RBMS3: variants seen among roughly 807,000 people sequenced by gnomAD.
RBMS3 encodes RNA-binding motif, single-stranded-interacting protein 3.
A neutral mutation model predicts 66.8 loss-of-function variants in RBMS3; 27 were observed. That is an observed-to-expected ratio of 0.40 (90% CI 0.30 to 0.56). RBMS3 has a LOEUF of 0.56. Ranked by LOEUF, RBMS3 falls within the 20% of genes least tolerant of loss-of-function variation. The pLI is 0.40. For synonymous variants in RBMS3, 188 were observed against 183.0 expected (o/e 1.03, Z -0.22); for missense variants, 513 against 549.5 (o/e 0.93, Z 0.66).
At chr3:29,424,236 A>G (rs1559349714) in intron 1 of RBMS3, among the ~76,000 whole-genome samples, 1 of 152,246 alleles carries the variant, frequency 6.6e-6, no homozygotes, top group Non-Finnish European at 1.5e-5. Flanking sequence ...TTGGATAAAT[A>G]GAAAGTAATT....
chr3:29,874,565 A>T lies in RBMS3; in HGVS notation c.744+5601A>T, dbSNP rs553322665. 1.8e-3 allele frequency among the ~76,000 whole-genome samples: 268 copies of T among 152,296 alleles called. 2 individuals are homozygous for T. The highest frequency in any genetic ancestry group is 3.2e-3 in the Non-Finnish European group (217 of 68,026). On this transcript the variant is annotated intron_variant, in intron 7 of 14. Transcript: ENST00000383767. ...TCTTTTTAACCTTAAACTGAAGGAG[A>T]TTATTTACATATGTGATCTTGAAAA...
intron 12 of RBMS3, among the ~76,000 whole-genome samples, chr3:29,960,285 G>T (rs1284718275): frequency 6.6e-6 from 1 of 152,204 alleles, no homozygotes; most frequent in Non-Finnish European, 1.5e-5. Flanking sequence ...GCTCCAAAAT[G>T]ATCTCCTTTG....
chr3:29,466,757 A>C (rs1212639649), intron 2 of RBMS3, among the ~76,000 whole-genome samples: 1 of 152,180 alleles, frequency 6.6e-6, no homozygotes, highest in African/African-American at 2.4e-5. Context: ...CAAATTAAGC[A>C]CTGTTTATGT....
At chr3:29,822,592 A>T (rs990517952) in intron 6 of RBMS3, among the ~76,000 whole-genome samples, 3 of 152,180 alleles carry the variant, frequency 2.0e-5, no homozygotes, top group African/African-American at 7.2e-5. Flanking sequence ...TGATGTGTCT[A>T]CATATTTCAA....
chr3:29,684,546 G>A (rs2371810), intron 4 of RBMS3, among the ~76,000 whole-genome samples: 71,306 of 151,916 alleles, frequency 0.47, 17,514 homozygotes, highest in Middle Eastern at 0.58. Flanking sequence ...TATTTAGGGA[G>A]TTATGGAATG....
chr3:29,794,022 G>A (rs182770807), intron 6 of RBMS3, among the ~76,000 whole-genome samples: 164 of 152,240 alleles, frequency 1.1e-3, no homozygotes, highest in African/African-American at 3.6e-3. Context: ...GCCATGTGAC[G>A]TGCCTGCTTC....
intron 3 of RBMS3, among the ~76,000 whole-genome samples, chr3:29,520,987 CT>C (rs2044835136): frequency 6.6e-6 from 1 of 152,056 alleles, no homozygotes; most frequent in African/African-American, 2.4e-5. Flanking sequence ...GTGTTCAGGT[CT>C]CCGCTCACAT....
intron 4 of RBMS3, among the ~76,000 whole-genome samples, chr3:29,644,511 C>T (rs959472229): frequency 4.6e-5 from 7 of 152,184 alleles, no homozygotes; most frequent in Admixed American, 3.3e-4. Context: ...TCAGATGGAA[C>T]ACGTAGACTG....
At chr3:29,356,353 C>T (rs2037221499) in intron 1 of RBMS3, among the ~76,000 whole-genome samples, 1 of 152,104 alleles carries the variant, frequency 6.6e-6, no homozygotes, top group Non-Finnish European at 1.5e-5. Flanking sequence ...GTTTTGTTGA[C>T]CTAGTGGTAA....
At chr3:29,304,423 G>T (rs1041773559) in intron 1 of RBMS3, among the ~76,000 whole-genome samples, 1 of 151,860 alleles carries the variant, frequency 6.6e-6, no homozygotes, top group South Asian at 2.1e-4. Flanking sequence ...ATCTGTACTC[G>T]CCACTTTTTA....
At chr3:29,379,189 A>G (rs894100719) in intron 1 of RBMS3, among the ~76,000 whole-genome samples, 1 of 152,202 alleles carries the variant, frequency 6.6e-6, no homozygotes, top group Non-Finnish European at 1.5e-5. Flanking sequence ...TATAAGGGTA[A>G]TTTGTTAAAT....
chr3:29,805,966 A>G (rs1057152717), intron 6 of RBMS3, among the ~76,000 whole-genome samples: 2 of 152,014 alleles, frequency 1.3e-5, no homozygotes, highest in Non-Finnish European at 2.9e-5. Flanking sequence ...CATTCCTGGT[A>G]AGTACCCTAT....
intron 3 of RBMS3, chr3:29,537,484 G>A (rs2045605315): frequency 6.6e-6 from 1 of 152,134 alleles, no homozygotes; most frequent in African/African-American, 2.4e-5. Context: ...TTGTTTCAAA[G>A]AACGATTGAG....
chr3:29,691,213 G>T (rs950522426), intron 4 of RBMS3, among the ~76,000 whole-genome samples: 2 of 152,136 alleles, frequency 1.3e-5, no homozygotes, highest in African/African-American at 4.8e-5. Context: ...ATTTCTTGAG[G>T]TATAAGTTCT....
intron 3 of RBMS3, among the ~76,000 whole-genome samples, chr3:29,573,842 T>C (rs546465976): frequency 7.0e-4 from 107 of 152,342 alleles, no homozygotes; most frequent in African/African-American, 2.5e-3. Context: ...CAGGAGCATA[T>C]TGTTTAATCT....
At chr3:29,339,510 G>T (rs2036156717) in intron 1 of RBMS3, among the ~76,000 whole-genome samples, 2 of 151,940 alleles carry the variant, frequency 1.3e-5, no homozygotes, top group Non-Finnish European at 2.9e-5. Context: ...AAAGGATCAG[G>T]AGAGCTTTAC....
chr3:29,996,543 A>G (rs913275688), intron 14 of RBMS3, among the ~76,000 whole-genome samples: 3 of 149,916 alleles, frequency 2.0e-5, no homozygotes, highest in African/African-American at 7.4e-5. Context: ...GCAAATGTAA[A>G]AGAACAGAAA....
intron 4 of RBMS3, among the ~76,000 whole-genome samples, chr3:29,723,289 T>C (rs57297625): frequency 0.06 from 9,106 of 152,204 alleles, 889 homozygotes; most frequent in African/African-American, 0.2. Flanking sequence ...CTCACTAGTT[T>C]TTACATACAC....
chr3:29,926,560 G>A (rs946439052), intron 10 of RBMS3, among the ~76,000 whole-genome samples: 3 of 152,128 alleles, frequency 2.0e-5, no homozygotes, highest in Non-Finnish European at 4.4e-5. Context: ...TTGCCAATAG[G>A]ATCTTACAAG....
Sources: allele counts gnomAD v4.1 joint callset (sites outside exome capture counted in the v4.1 genomes callset), GRCh38; gene constraint gnomAD v4.1.1; transcripts MANE v1.5; gene names NCBI Gene and HGNC (gene_info 2026-07-23, HGNC 2026-07-21).